The following SH3BGR variants were observed in gnomAD, a reference collection of about 807,000 sequenced individuals.
SH3BGR encodes the protein SH3 domain-binding glutamic acid-rich protein.
SH3BGR carries 29 observed loss-of-function variants against 24.5 expected under a neutral mutation model. The ratio of observed to expected loss-of-function variants is 1.18; its 90% CI spans 0.88 to 1.61. The LOEUF is 1.61. Among genes scored for constraint, SH3BGR ranks in the 40% most tolerant of loss-of-function variants. SH3BGR has a pLI of 0.00. For synonymous variants in SH3BGR, 55 were observed against 65.7 expected (o/e 0.84, Z 0.79); for missense variants, 162 against 205.8 (o/e 0.79, Z 1.30).
chr21:39,450,227 G>T (rs377319778), upstream of SH3BGR, among the ~76,000 whole-genome samples: 5 of 152,132 alleles, frequency 3.3e-5, no homozygotes, highest in African/African-American at 1.2e-4. Context: ...TGTAATCCTT[G>T]GTGTGCTTTA....
intron 3 of SH3BGR, chr21:39,488,680 G>T: frequency 2.4e-6 from 1 of 410,078 alleles, no homozygotes; most frequent in Non-Finnish European, 4.9e-6. Context: ...AATCCGGCAA[G>T]TCCTTGTCAT....
At chr21:39,483,164 T>G (rs543417875) in intron 3 of SH3BGR, among the ~76,000 whole-genome samples, 6 of 152,340 alleles carry the variant, frequency 3.9e-5, no homozygotes, top group African/African-American at 1.4e-4. Flanking sequence ...AAAGTTACTA[T>G]GTCTAAAGCT....
chr21:39,460,306 G>A (rs4818037), intron 1 of SH3BGR, among the ~76,000 whole-genome samples: 125,667 of 152,004 alleles, frequency 0.83, 52,675 homozygotes, highest in Non-Finnish European at 0.89. Context: ...AGTAGTCTCT[G>A]TGTGAGCTTT....
At chr21:39,487,962 AT>A (rs901966736) in intron 3 of SH3BGR, among the ~76,000 whole-genome samples, 6 of 152,364 alleles carry the variant, frequency 3.9e-5, no homozygotes, top group Non-Finnish European at 7.3e-5. Context: ...CATAAAAGAT[AT>A]GAATTTGGAG....
rs73213714 is a variant in SH3BGR, at chr21:39,482,611, A to G, written c.312+7396A>G. Among the ~76,000 whole-genome samples the G allele has an allele frequency of 6.8e-3, 1,043 of 152,310 alleles. 3 individuals carry two copies. The highest frequency in any genetic ancestry group is 0.01 in the Non-Finnish European group (697 of 68,030). On this transcript the variant is annotated intron_variant, in intron 3 of 6. Transcript: ENST00000333634. ...GAAAATGTTAGCAAGTGTTCAATCT[A>G]TGTAGTTCATCTTTAAAAGCTTTTC... is the stretch of plus-strand genomic sequence containing the variant.
At chr21:39,485,354 TCG>T (rs1262633572) in intron 3 of SH3BGR, among the ~76,000 whole-genome samples, 3 of 152,168 alleles carry the variant, frequency 2.0e-5, no homozygotes, top group Non-Finnish European at 4.4e-5. Context: ...TCCAGAGGAA[TCG>T]GGCAGGGAGA....
chr21:39,464,158 G>A (rs1250179416), intron 2 of SH3BGR, among the ~76,000 whole-genome samples: 1 of 152,144 alleles, frequency 6.6e-6, no homozygotes, highest in Non-Finnish European at 1.5e-5. Flanking sequence ...AATAGGGCCC[G>A]CCCTCATCCA....
At chr21:39,490,971 A>G (rs2078289557) in intron 3 of SH3BGR, among the ~76,000 whole-genome samples, 1 of 151,890 alleles carries the variant, frequency 6.6e-6, no homozygotes, top group African/African-American at 2.4e-5. Flanking sequence ...GGCTGTAGTG[A>G]TCCTCCCTCT....
chr21:39,460,669 C>T (rs1022756967), intron 1 of SH3BGR, among the ~76,000 whole-genome samples: 2 of 152,120 alleles, frequency 1.3e-5, no homozygotes, highest in Admixed American at 6.6e-5. Context: ...GGGGTTTCAC[C>T]ATGTTGGTCA....
At chr21:39,508,772 C>T (rs552690825) in intron 4 of SH3BGR, among the ~76,000 whole-genome samples, 30 of 152,238 alleles carry the variant, frequency 2.0e-4, no homozygotes, top group African/African-American at 5.8e-4. Context: ...TGATGGGAAA[C>T]GGTCTTTAAT....
intron 3 of SH3BGR, among the ~76,000 whole-genome samples, chr21:39,486,230 A>G (rs1387588430): frequency 1.3e-5 from 2 of 152,242 alleles, no homozygotes; most frequent in Non-Finnish European, 2.9e-5. Flanking sequence ...TTCAAAAGTG[A>G]AAGTCTAGAA....
rs750339982 is a variant in SH3BGR at position 39,452,089 on chromosome 21, C to T, written c.-8C>T. ...GTGTTGGGGGGAGTCCTCTTTCCAA[C>T]TGTCGAAATGGTTATCAAAGTGTTT... On this transcript the variant is annotated 5_prime_UTR_variant, in exon 1 of 7. Coordinates refer to ENST00000333634, the MANE Select transcript of SH3BGR (RefSeq NM_007341.3). The T allele has an allele frequency of 1.9e-6, 3 of 1,614,010 alleles. No homozygotes were observed. The highest frequency in any genetic ancestry group is 4.5e-5 in the East Asian group (2 of 44,892).
intron 3 of SH3BGR, among the ~76,000 whole-genome samples, chr21:39,488,060 C>T (rs1354999214): frequency 6.6e-6 from 1 of 152,180 alleles, no homozygotes; most frequent in Non-Finnish European, 1.5e-5. Context: ...TATGATATCT[C>T]ACCAATTCAT....
At chr21:39,460,595 G>A (rs866387484) in intron 1 of SH3BGR, among the ~76,000 whole-genome samples, 3 of 151,892 alleles carry the variant, frequency 2.0e-5, no homozygotes, top group South Asian at 2.1e-4. Flanking sequence ...TCAGCCTCCC[G>A]AGTAGCAGAG....
intron 3 of SH3BGR, among the ~76,000 whole-genome samples, chr21:39,490,663 C>T (rs191823348): frequency 2.0e-4 from 31 of 151,628 alleles, no homozygotes; most frequent in African/African-American, 7.0e-4. Context: ...GTTTTTCCAT[C>T]GATTTCCTTT....
chr21:39,458,424 T>C (rs530384321), intron 1 of SH3BGR, among the ~76,000 whole-genome samples: 36 of 152,232 alleles, frequency 2.4e-4, no homozygotes, highest in Middle Eastern at 3.4e-3. Context: ...CTGCAACCTC[T>C]GCCTCCCGGA....
At chr21:39,486,097 C>G (rs375127232) in intron 3 of SH3BGR, among the ~76,000 whole-genome samples, 57 of 152,296 alleles carry the variant, frequency 3.7e-4, no homozygotes, top group African/African-American at 1.3e-3. Flanking sequence ...AAAGATGAAG[C>G]ATTTTTGCTT....
At chr21:39,508,535 T>C (rs1177655437) in intron 4 of SH3BGR, among the ~76,000 whole-genome samples, 1 of 152,252 alleles carries the variant, frequency 6.6e-6, no homozygotes, top group Non-Finnish European at 1.5e-5. Context: ...TTTGTTCTCA[T>C]AGAGGAAAAG....
chr21:39,462,447 G>A lies in SH3BGR; in HGVS notation c.118G>A (p.Ala40Thr). The A allele has an allele frequency of 6.2e-7, 1 of 1,609,682 alleles. No individual in the cohort carries two copies. The highest frequency in any genetic ancestry group is 8.5e-7 in the Non-Finnish European group (1 of 1,179,040). ...NKIDFKELDIAGDEDNRRWMR... is the reference protein window; with the variant it reads ...NKIDFKELDITGDEDNRRWMR... ...AATCGACTTTAAGGAATTAGATATTGCTGGAGATGAAGACAACAGGAGGTG... is the reference window on the plus strand; with the variant it reads ...AATCGACTTTAAGGAATTAGATATTACTGGAGATGAAGACAACAGGAGGTG... Residue 40 changes from alanine (A) to threonine (T), a missense_variant, in exon 2 of 7, where the codon GCT becomes ACT. Transcript: ENST00000333634.
Sources: allele counts gnomAD v4.1 joint callset (sites outside exome capture counted in the v4.1 genomes callset), GRCh38; gene constraint gnomAD v4.1.1; transcripts MANE v1.5; gene names NCBI Gene and HGNC (gene_info 2026-07-23, HGNC 2026-07-21).